The following METTL2B variants were observed in gnomAD, a reference collection of about 807,000 sequenced individuals.
The protein encoded by METTL2B is tRNA N(3)-cytidine methyltransferase METTL2B.
METTL2B carries 28 observed loss-of-function variants against 51.0 expected under a neutral mutation model. The observed-to-expected ratio is 0.55, with a 90% CI of 0.41 to 0.75. METTL2B has a LOEUF of 0.75. Among genes scored for constraint, METTL2B ranks in the 30% least tolerant of loss-of-function variants. METTL2B has a pLI of 0.00. For missense variants in METTL2B, 313 were observed against 460.7 expected (o/e 0.68, Z 2.93); for synonymous variants, 128 against 166.3 (o/e 0.77, Z 1.77).
chr7:128,492,680 G>A (rs1270867400), intron 5 of METTL2B, among the ~76,000 whole-genome samples: 2 of 151,462 alleles, frequency 1.3e-5, no homozygotes, highest in African/African-American at 4.9e-5. Flanking sequence ...GCAGTGGTGC[G>A]ATCTCGGCTC....
At chr7:128,488,770 T>G (rs979681198) in intron 5 of METTL2B, among the ~76,000 whole-genome samples, 11 of 152,190 alleles carry the variant, frequency 7.2e-5, no homozygotes, top group Non-Finnish European at 1.6e-4. Flanking sequence ...TACACTTGTG[T>G]TGTAATTATT....
intron 4 of METTL2B, among the ~76,000 whole-genome samples, chr7:128,484,652 G>A (rs957488945): frequency 5.3e-5 from 8 of 152,014 alleles, no homozygotes; most frequent in African/African-American, 1.9e-4. Flanking sequence ...GAGTGCAGTG[G>A]CACGATCTTG....
At chr7:128,486,153 G>A (rs12671449) in intron 4 of METTL2B, among the ~76,000 whole-genome samples, 27,391 of 151,954 alleles carry the variant, frequency 0.18, 2,617 homozygotes, top group East Asian at 0.32. Context: ...AATTAACCAG[G>A]CGTGGTGGTG....
intron 6 of METTL2B, among the ~76,000 whole-genome samples, 161 bp downstream of exon 6, chr7:128,494,104 C>G (rs955613608): frequency 6.6e-6 from 1 of 152,110 alleles, no homozygotes; most frequent in Non-Finnish European, 1.5e-5. Context: ...ATGATCCTCC[C>G]TCCTCAGCTT....
At chr7:128,488,350 A>C (rs3993568) in intron 5 of METTL2B, 189 bp downstream of exon 5, 4 of 884,704 alleles carry the variant, frequency 4.5e-6, no homozygotes, top group Non-Finnish European at 7.3e-6. Context: ...TACAGATGTC[A>C]TATCTGTTCA....
chr7:128,490,301 AT>A (rs1439486798), intron 5 of METTL2B, among the ~76,000 whole-genome samples: 1 of 150,744 alleles, frequency 6.6e-6, no homozygotes, highest in African/African-American at 2.4e-5. Flanking sequence ...GATTGCAGCA[AT>A]TCAGTTACAT....
At chr7:128,486,915 G>A (rs2116851227) in intron 4 of METTL2B, among the ~76,000 whole-genome samples, 1 of 152,316 alleles carries the variant, frequency 6.6e-6, no homozygotes, top group East Asian at 1.9e-4. Flanking sequence ...CTTAGCCCGT[G>A]ACCTTAATGG....
rs1300914792 is a variant in METTL2B, at chr7:128,503,966, C to T, written c.*2050C>T. ...TGAGCTGAGATGGTGCCATTGCACT[C>T]CAGCCTGGGCGACAAGAGCGAAACT... On this transcript the variant is annotated 3_prime_UTR_variant, in exon 9 of 9. Coordinates refer to ENST00000262432, the MANE Select transcript of METTL2B (RefSeq NM_018396.3). The T allele has an allele frequency of 6.6e-6, 1 of 152,126 alleles. No individual in the cohort carries two copies. The highest frequency in any genetic ancestry group is 1.9e-4 in the East Asian group (1 of 5,188). The allele number at this position is 152,126 out of a possible 1,614,324, so 9.4% of individuals were successfully genotyped here.
intron 7 of METTL2B, 38 bp downstream of exon 7, chr7:128,498,180 A>T (rs769094565): frequency 3.7e-6 from 6 of 1,604,686 alleles, no homozygotes; most frequent in East Asian, 2.2e-5. Context: ...ACTAGAGATC[A>T]TGTCCTTTGC....
chr7:128,480,043 C>G (rs1399981091), intron 3 of METTL2B, among the ~76,000 whole-genome samples: 1 of 152,160 alleles, frequency 6.6e-6, no homozygotes, highest in Non-Finnish European at 1.5e-5. Flanking sequence ...GCGCACGTTA[C>G]TGGAAGCTGG....
chr7:128,492,529 G>T (rs1792852686), intron 5 of METTL2B, among the ~76,000 whole-genome samples: 1 of 152,144 alleles, frequency 6.6e-6, no homozygotes, highest in South Asian at 2.1e-4. Context: ...TGATCCTCCT[G>T]CCTCAGCCTC....
intron 5 of METTL2B, chr7:128,488,392 A>G: frequency 1.4e-6 from 1 of 701,646 alleles, no homozygotes; most frequent in Non-Finnish European, 2.6e-6. Flanking sequence ...CCCTGCATCA[A>G]GCAAGCCTAC....
rs183022567 is a variant in METTL2B at position 128,493,024 on chromosome 7, G to A, written c.670-780G>A. 5.9e-5 allele frequency among the ~76,000 whole-genome samples: 9 copies of A among 151,958 alleles called. No homozygotes were observed. The East Asian group carries it at 1.7e-3, about 29-fold the overall frequency. On this transcript the variant is annotated intron_variant, in intron 5 of 8. Coordinates refer to ENST00000262432, the MANE Select transcript of METTL2B (RefSeq NM_018396.3). ...TTAGATCTGACTTCATGCATGAGAA[G>A]TACAGAAAGTACACAAGAATAAAGA...
At position 128,504,708 on chromosome 7, in the gene METTL2B, G is replaced by T. The variant is rs112426857; in HGVS notation, c.*2792G>T. ...ACATAGGCCGGGTGCAGTGGCTCAC[G>T]CCTGTAATCCCAGCACTTTGGGAGG... On this transcript the variant is annotated 3_prime_UTR_variant, in exon 9 of 9. Coordinates refer to ENST00000262432, the MANE Select transcript of METTL2B (RefSeq NM_018396.3). 58,452 of 149,866 alleles carry T rather than the reference G, an allele frequency of 0.39. 11,424 individuals are homozygous for T. Among genetic ancestry groups the T allele is most frequent in the Middle Eastern group, 0.42 (123 of 294 alleles). The allele number at this position is 149,866 out of a possible 1,614,324, so 9.3% of individuals were successfully genotyped here. A position where few individuals can be genotyped will look rare whatever the true frequency, so the allele number is the denominator to read the frequency against.
At chr7:128,495,360 T>C (rs1281553380) in intron 6 of METTL2B, among the ~76,000 whole-genome samples, 1 of 152,248 alleles carries the variant, frequency 6.6e-6, no homozygotes, top group Non-Finnish European at 1.5e-5. Context: ...CAGATTCTGA[T>C]TAAAGGAAAG....
rs1792874616 is a variant in METTL2B, at chr7:128,493,664, C to T, written c.670-140C>T. On this transcript the variant is annotated intron_variant, in intron 5 of 8. Coordinates refer to ENST00000262432, the MANE Select transcript of METTL2B (RefSeq NM_018396.3). The stretch of plus-strand genomic sequence containing the variant: ...CCTGGGCAACATGGGGAGATTTTGC[C>T]TCAAGAAAAAAAAGAAAAAAGAAAT... The T allele has an allele frequency of 2.4e-6, 3 of 1,259,432 alleles. No homozygotes were observed. In the South Asian group the frequency reaches 4.8e-5, roughly 20 times the overall value. The allele number at this position is 1,259,432 out of a possible 1,614,324, so 78.0% of individuals were successfully genotyped here.
At position 128,488,235 on chromosome 7, in the gene METTL2B, T is replaced by C. The variant is rs1792755588; in HGVS notation, c.669+74T>C. 9 of 1,447,284 alleles carry C rather than the reference T, an allele frequency of 6.2e-6. No homozygotes were observed. In the South Asian group the frequency reaches 7.1e-5, roughly 11 times the overall value. 89.7% of individuals were successfully genotyped at this position (1,447,284 alleles called of 1,614,324 possible). A position where few individuals can be genotyped will look rare whatever the true frequency, so the allele number is the denominator to read the frequency against. On this transcript the variant is annotated intron_variant, in intron 5 of 8. Transcript: ENST00000262432. ...GAAAAGGTTCTCCTAAAAATCAAGG[T>C]CTCTGGCTGTGTTCTTATACGGTCT...
In METTL2B at chr7:128,493,205, CTT is replaced by C. The variant is rs1289387741; in HGVS notation, c.670-588_670-587del. Among the ~76,000 whole-genome samples the C allele has an allele frequency of 3.4e-5, 5 of 146,980 alleles. No individual in the cohort carries two copies. The East Asian group carries it at 7.9e-4, about 23-fold the overall frequency. On this transcript the variant is annotated intron_variant, in intron 5 of 8. Transcript: ENST00000262432. ...AAAGTAATTGTCGTTTTTGCCATTA[CTT>C]TTTTTTTTTTCTTTTCTTTTTTTAG... is the stretch of plus-strand genomic sequence containing the variant.
intron 8 of METTL2B, chr7:128,501,555 A>G (rs1444135931): frequency 1.0e-6 from 1 of 985,286 alleles, no homozygotes; most frequent in Admixed American, 6.2e-5. Context: ...GGTTTTTAAA[A>G]AAGAAAAAAC....
Sources: allele counts gnomAD v4.1 joint callset (sites outside exome capture counted in the v4.1 genomes callset), GRCh38; gene constraint gnomAD v4.1.1; transcripts MANE v1.5; gene names NCBI Gene and HGNC (gene_info 2026-07-23, HGNC 2026-07-21).